The following ZBTB20 variants were observed in gnomAD, a reference collection of about 807,000 sequenced individuals.
ZBTB20 encodes zinc finger and BTB domain containing 20.
In ZBTB20, 9 loss-of-function variants were observed where a neutral mutation model predicts 56.9. The ratio of observed to expected loss-of-function variants is 0.16; its 90% CI spans 0.10 to 0.28. ZBTB20 has a LOEUF of 0.28. Among genes scored for constraint, ZBTB20 ranks in the 10% least tolerant of loss-of-function variants. ZBTB20 has a pLI of 1.00. For missense variants in ZBTB20, 655 were observed against 1,003.0 expected (o/e 0.65, Z 4.69); for synonymous variants, 417 against 420.7 (o/e 0.99, Z 0.11).
chr3:114,779,619 G>A (rs1030688165), intron 5 of ZBTB20, among the ~76,000 whole-genome samples: 2 of 152,106 alleles, frequency 1.3e-5, no homozygotes, highest in African/African-American at 4.8e-5. Flanking sequence ...TTTTAGCACA[G>A]ATTATGATCC....
intron 6 of ZBTB20, among the ~76,000 whole-genome samples, chr3:114,601,468 T>A (rs1230887891): frequency 1.3e-5 from 2 of 152,090 alleles, no homozygotes; most frequent in Non-Finnish European, 2.9e-5. Context: ...CGTCCTTTAT[T>A]TCTCAGCTTA....
At chr3:114,726,306 T>A (rs2065274322) in intron 5 of ZBTB20, among the ~76,000 whole-genome samples, 1 of 152,178 alleles carries the variant, frequency 6.6e-6, no homozygotes. Context: ...CAGTTTAGGA[T>A]GAAGCCATAA....
At chr3:114,551,762 A>T (rs550178175) in intron 6 of ZBTB20, among the ~76,000 whole-genome samples, 1 of 152,372 alleles carries the variant, frequency 6.6e-6, no homozygotes, top group East Asian at 1.9e-4. Flanking sequence ...TATAAGAAAC[A>T]CTACAAGGAT....
intron 6 of ZBTB20, among the ~76,000 whole-genome samples, chr3:114,556,534 G>C (rs1293498765): frequency 6.6e-6 from 1 of 151,900 alleles, no homozygotes; most frequent in Non-Finnish European, 1.5e-5. Flanking sequence ...GAATTGAATG[G>C]CTCAACTAAA....
intron 3 of ZBTB20, among the ~76,000 whole-genome samples, chr3:114,937,299 T>A (rs544632485): frequency 1.3e-5 from 2 of 152,338 alleles, no homozygotes; most frequent in East Asian, 3.9e-4. Context: ...GACTTTTTAA[T>A]GGTCGCCATT....
chr3:114,543,856 C>T (rs2110124537), intron 6 of ZBTB20, among the ~76,000 whole-genome samples: 1 of 152,216 alleles, frequency 6.6e-6, no homozygotes, highest in East Asian at 1.9e-4. Context: ...AAGTCTTTTT[C>T]TTCAAAGATT....
At chr3:115,011,027 T>C (rs536612435) in intron 2 of ZBTB20, among the ~76,000 whole-genome samples, 12 of 151,786 alleles carry the variant, frequency 7.9e-5, no homozygotes, top group Admixed American at 6.6e-4. Context: ...TGTCTCAGAG[T>C]CCTTTAACAG....
chr3:114,564,347 G>A (rs910723205), intron 6 of ZBTB20, among the ~76,000 whole-genome samples: 8 of 152,124 alleles, frequency 5.3e-5, no homozygotes, highest in South Asian at 2.1e-4. Flanking sequence ...GAACATCTTC[G>A]GTGGGGTGGG....
At chr3:114,624,565 G>A (rs987991353) in intron 6 of ZBTB20, among the ~76,000 whole-genome samples, 4 of 152,192 alleles carry the variant, frequency 2.6e-5, no homozygotes, top group African/African-American at 9.7e-5. Context: ...AAGTTCATGT[G>A]AGTTCCCAGT....
At chr3:114,498,304 A>T (rs1559873395) in intron 7 of ZBTB20, among the ~76,000 whole-genome samples, 2 of 152,218 alleles carry the variant, frequency 1.3e-5, no homozygotes, top group African/African-American at 4.8e-5. Flanking sequence ...AATCCAGGTC[A>T]AATACAGATT....
intron 4 of ZBTB20, among the ~76,000 whole-genome samples, chr3:114,837,459 G>A (rs1213224994): frequency 6.6e-6 from 1 of 152,112 alleles, no homozygotes; most frequent in Non-Finnish European, 1.5e-5. Flanking sequence ...GGTGCCTATG[G>A]GTCAAAGTTT....
chr3:114,543,022 C>A (rs1234633408), intron 6 of ZBTB20, among the ~76,000 whole-genome samples: 1 of 152,044 alleles, frequency 6.6e-6, no homozygotes, highest in Non-Finnish European at 1.5e-5. Flanking sequence ...GAAAAACATA[C>A]AACTGTCCCT....
chr3:115,046,352 T>C (rs114908445), intron 2 of ZBTB20, among the ~76,000 whole-genome samples: 1 of 152,180 alleles, frequency 6.6e-6, no homozygotes, highest in Non-Finnish European at 1.5e-5. Context: ...AAAAAAGTCT[T>C]CATGTTTTGC....
At position 115,037,138 on chromosome 3, in the gene ZBTB20, T is replaced by C. The variant is rs72943831; in HGVS notation, c.-507+34081A>G. 5.9e-3 allele frequency among the ~76,000 whole-genome samples: 895 copies of C among 152,320 alleles called. 12 individuals carry two copies. Among genetic ancestry groups the C allele is most frequent in the African/African-American group, 0.021 (866 of 41,566 alleles). On this transcript the variant is annotated intron_variant, in intron 2 of 11. Transcript: ENST00000675478. ...ATAATCTTCAGCATTCTTCATTAAC[T>C]ATCAATCGTTTTGCTTAACAATCTG... is the stretch of plus-strand genomic sequence containing the variant.
intron 6 of ZBTB20, among the ~76,000 whole-genome samples, chr3:114,658,123 G>A (rs1474049295): frequency 1.3e-5 from 2 of 152,058 alleles, no homozygotes; most frequent in Non-Finnish European, 2.9e-5. Context: ...CGCTAAATAT[G>A]GCCAATGAAT....
chr3:114,931,920 A>G (rs911580188), intron 3 of ZBTB20, among the ~76,000 whole-genome samples: 1 of 152,240 alleles, frequency 6.6e-6, no homozygotes, highest in Non-Finnish European at 1.5e-5. Context: ...ACACCATATA[A>G]TACAAAAAAG....
intron 2 of ZBTB20, among the ~76,000 whole-genome samples, chr3:115,050,381 T>A (rs764526050): frequency 6.2e-4 from 94 of 152,044 alleles, no homozygotes; most frequent in Admixed American, 1.0e-3. Context: ...AGAGTTTTTT[T>A]ATGATAAAAT....
rs887852480 is a variant in ZBTB20 at position 114,599,921 on chromosome 3, G to A, written c.-295+93607C>T. 1.1e-4 allele frequency among the ~76,000 whole-genome samples: 16 copies of A among 151,890 alleles called. 1 individual carries two copies. The highest frequency in any genetic ancestry group is 9.9e-4 in the Admixed American group (15 of 15,216). On this transcript the variant is annotated intron_variant, in intron 6 of 11. Transcript: ENST00000675478. Reference sequence around the variant, plus strand: ...CTTTCTTATTTTTCTAATACTATGGGGGGTGAAGGGGAGTGGGAAGAGAAA... The same window carrying A: ...CTTTCTTATTTTTCTAATACTATGGAGGGTGAAGGGGAGTGGGAAGAGAAA...
At chr3:114,527,170 A>G (rs1204984516) in intron 6 of ZBTB20, 1 of 152,178 alleles carries the variant, frequency 6.6e-6, no homozygotes, top group African/African-American at 2.4e-5. Context: ...AAAAAATAAA[A>G]ATTTAAAAAA....
Sources: allele counts gnomAD v4.1 joint callset (sites outside exome capture counted in the v4.1 genomes callset), GRCh38; gene constraint gnomAD v4.1.1; transcripts MANE v1.5; gene names NCBI Gene and HGNC (gene_info 2026-07-23, HGNC 2026-07-21).